POC1B: variants seen among roughly 807,000 people sequenced by gnomAD.
POC1B encodes the protein POC1 centriolar protein homolog B.
In POC1B, 44 loss-of-function variants were observed where a neutral mutation model predicts 60.6. The observed-to-expected ratio is 0.73, with a 90% confidence interval of 0.57 to 0.93. The LOEUF (loss-of-function observed/expected upper bound fraction) is 0.93. Ranked by LOEUF, POC1B falls within the 40% of genes least tolerant of loss-of-function variation. POC1B has a pLI of 0.00. For synonymous variants in POC1B, 180 were observed against 198.9 expected (o/e 0.90, Z 0.80); for missense variants, 555 against 572.3 (o/e 0.97, Z 0.31).
At chr12:89,432,804 T>G (rs761873139) in intron 10 of POC1B, among the ~76,000 whole-genome samples, 6 of 152,254 alleles carry the variant, frequency 3.9e-5, no homozygotes, top group Non-Finnish European at 8.8e-5. Flanking sequence ...TCTAGATTTC[T>G]GTGGAGAAGC....
chr12:89,509,660 T>C (rs1274836630), intron 2 of POC1B, among the ~76,000 whole-genome samples: 2 of 152,240 alleles, frequency 1.3e-5, no homozygotes, highest in Admixed American at 1.3e-4. Context: ...CCATGAGTTC[T>C]AATCTAACAC....
intron 4 of POC1B, among the ~76,000 whole-genome samples, chr12:89,482,619 C>G (rs1466051102): frequency 6.6e-6 from 1 of 152,066 alleles, no homozygotes; most frequent in Non-Finnish European, 1.5e-5. Context: ...TGATTGCTGG[C>G]TTAACATTAA....
Position 89,470,599 on chromosome 12 carries a change from CACA to C in POC1B, c.677-108_677-106del, listed in dbSNP as rs1366146148. Reference sequence around the variant, plus strand: ...AGGTTGTAAACAAGAGCACTGTTTCCACAACAACAAAACTCTATATGGCTCACT... The same window carrying C: ...AGGTTGTAAACAAGAGCACTGTTTCCACAACAAAACTCTATATGGCTCACT... On this transcript the variant is annotated intron_variant, in intron 6 of 11. Coordinates refer to ENST00000313546, the MANE Select transcript of POC1B (RefSeq NM_172240.3). 3.2e-6 allele frequency: 3 copies of C among 947,004 alleles called. No homozygotes were observed. In the African/African-American group the frequency reaches 4.9e-5, roughly 15 times the overall value. 58.7% of individuals were successfully genotyped at this position (947,004 alleles called of 1,614,324 possible).
At chr12:89,501,561 T>A in intron 2 of POC1B, 1 of 1,323,620 alleles carries the variant, frequency 7.6e-7, no homozygotes, top group Non-Finnish European at 1.0e-6. Context: ...GCAAGAAAAG[T>A]AGCACTAGAA....
the POC1B span, among the ~76,000 whole-genome samples, chr12:89,410,389 C>T: frequency 2.0e-5 from 3 of 152,096 alleles, no homozygotes; most frequent in Non-Finnish European, 2.9e-5. Context: ...CCTTTGAAAA[C>T]CGGCACAAGG....
chr12:89,494,556 CT>C (rs547201017), intron 3 of POC1B, among the ~76,000 whole-genome samples: 22 of 152,278 alleles, frequency 1.4e-4, no homozygotes, highest in Admixed American at 1.1e-3. Context: ...CATCTCATCC[CT>C]GTACACGCAT....
At chr12:89,481,149 C>T (rs543364482) in intron 4 of POC1B, among the ~76,000 whole-genome samples, 37 of 152,346 alleles carry the variant, frequency 2.4e-4, no homozygotes, top group African/African-American at 8.7e-4. Flanking sequence ...GCTGGGATTA[C>T]AGGTGTGAGC....
chr12:89,418,398 T>C (rs1880402146), downstream of POC1B, among the ~76,000 whole-genome samples: 1 of 152,170 alleles, frequency 6.6e-6, no homozygotes, highest in Non-Finnish European at 1.5e-5. Flanking sequence ...TGGGAAGCCC[T>C]GAAGTGTTCT....
the POC1B span, among the ~76,000 whole-genome samples, chr12:89,405,123 C>T: frequency 6.6e-6 from 1 of 152,076 alleles, no homozygotes; most frequent in East Asian, 1.9e-4. Flanking sequence ...ACCTGATCTA[C>T]CCCATGGAAC....
In POC1B at chr12:89,525,861, C is replaced by G. The variant is rs750884875; in HGVS notation, c.15+20G>C. On this transcript the variant is annotated intron_variant, in intron 1 of 11. Coordinates refer to ENST00000313546, the MANE Select transcript of POC1B (RefSeq NM_172240.3). ...ACAGGCTCCAGGGAGGGACCCCCCC[C>G]ACCTCCAACCCGTCCTTACCGTGGC... is the stretch of plus-strand genomic sequence containing the variant. 1.7e-5 allele frequency: 24 copies of G among 1,424,494 alleles called. No individual in the cohort carries two copies. The highest frequency in any genetic ancestry group is 2.7e-5 in the East Asian group (1 of 37,392). 88.2% of individuals were successfully genotyped at this position (1,424,494 alleles called of 1,614,324 possible).
At chr12:89,500,289 TAA>T in intron 2 of POC1B, 3 of 1,537,806 alleles carry the variant, frequency 2.0e-6, no homozygotes, top group Non-Finnish European at 2.7e-6. Flanking sequence ...ACACGCAAAA[TAA>T]AAGACACTTG....
chr12:89,405,053 A>G, the POC1B span, among the ~76,000 whole-genome samples: 11 of 152,348 alleles, frequency 7.2e-5, no homozygotes, highest in East Asian at 1.9e-3. Context: ...GATAACAAAC[A>G]TAAAATGTTT....
At chr12:89,496,696 T>C (rs897297052) in intron 3 of POC1B, among the ~76,000 whole-genome samples, 1 of 152,216 alleles carries the variant, frequency 6.6e-6, no homozygotes, top group Non-Finnish European at 1.5e-5. Flanking sequence ...ATTTAAACTT[T>C]TGTCAGAAAT....
intron 10 of POC1B, among the ~76,000 whole-genome samples, chr12:89,458,469 G>A (rs1277119975): frequency 6.6e-6 from 1 of 152,120 alleles, no homozygotes; most frequent in Admixed American, 6.6e-5. Context: ...AGTGATTCTT[G>A]GAATTCCCTT....
intron 4 of POC1B, among the ~76,000 whole-genome samples, chr12:89,482,167 G>A (rs954302812): frequency 2.0e-5 from 3 of 152,204 alleles, no homozygotes; most frequent in Admixed American, 6.5e-5. Flanking sequence ...TAAAGGAAAA[G>A]ACGGGCATCA....
intron 10 of POC1B, among the ~76,000 whole-genome samples, chr12:89,450,246 C>T (rs1881986045): frequency 6.6e-6 from 1 of 150,884 alleles, no homozygotes; most frequent in African/African-American, 2.4e-5. Context: ...CTTGCACTGT[C>T]GCCTGGGCTG....
intron 3 of POC1B, among the ~76,000 whole-genome samples, chr12:89,496,793 C>A (rs562665138): frequency 2.0e-5 from 3 of 152,044 alleles, no homozygotes; most frequent in Non-Finnish European, 4.4e-5. Flanking sequence ...GATCCAAGGG[C>A]CCTTGAAGGA....
chr12:89,424,315 C>A (rs987866813), intron 11 of POC1B, among the ~76,000 whole-genome samples: 3 of 152,154 alleles, frequency 2.0e-5, no homozygotes, highest in Non-Finnish European at 4.4e-5. Flanking sequence ...GAGGTGAAAA[C>A]CAGGTATATG....
chr12:89,525,761 A>G, intron 1 of POC1B, 120 bp downstream of exon 1: 1 of 1,349,208 alleles, frequency 7.4e-7, no homozygotes, highest in Admixed American at 3.3e-5. Flanking sequence ...GGGGCTCAGG[A>G]CCCGGCTACG....
Sources: allele counts gnomAD v4.1 joint callset (sites outside exome capture counted in the v4.1 genomes callset), GRCh38; gene constraint gnomAD v4.1.1; transcripts MANE v1.5; gene names NCBI Gene and HGNC (gene_info 2026-07-23, HGNC 2026-07-21).